The following NRXN1 variants were observed in gnomAD, a reference collection of about 807,000 sequenced individuals.
NRXN1 encodes neurexin-1.
In NRXN1, 39 loss-of-function variants were observed where a neutral mutation model predicts 150.9. The observed-to-expected ratio is 0.26, with a 90% CI of 0.20 to 0.34. NRXN1 has a LOEUF of 0.34. Among genes scored for constraint, NRXN1 ranks in the 10% least tolerant of loss-of-function variants. NRXN1 has a pLI of 1.00. For missense variants in NRXN1, 1,815 were observed against 1,949.9 expected (o/e 0.93, Z 1.30); for synonymous variants, 924 against 757.0 (o/e 1.22, Z -3.62).
chr2:50,058,298 C>T (rs945757689), intron 19 of NRXN1, among the ~76,000 whole-genome samples: 1 of 152,052 alleles, frequency 6.6e-6, no homozygotes, highest in African/African-American at 2.4e-5. Flanking sequence ...GCAGTAGACA[C>T]AAGTTATGAA....
intron 5 of NRXN1, among the ~76,000 whole-genome samples, chr2:50,783,824 G>T (rs1704691551): frequency 6.6e-6 from 1 of 152,036 alleles, no homozygotes; most frequent in Non-Finnish European, 1.5e-5. Context: ...CCTTGGCTTT[G>T]ACAGGAATTA....
intron 8 of NRXN1, among the ~76,000 whole-genome samples, chr2:50,617,508 T>G (rs958399102): frequency 2.0e-4 from 30 of 151,214 alleles, no homozygotes; most frequent in African/African-American, 7.3e-4. Context: ...CCTTCCAAAC[T>G]CCAGTGCATC....
chr2:50,882,853 T>C (rs937427348), intron 5 of NRXN1, among the ~76,000 whole-genome samples: 1 of 151,828 alleles, frequency 6.6e-6, no homozygotes, highest in Non-Finnish European at 1.5e-5. Flanking sequence ...GACTTATACA[T>C]ACAAAAGTGT....
chr2:50,854,202 A>C (rs1323186993), intron 5 of NRXN1, among the ~76,000 whole-genome samples: 1 of 152,054 alleles, frequency 6.6e-6, no homozygotes, highest in African/African-American at 2.4e-5. Flanking sequence ...GCCATGAAAA[A>C]CAGAATGGAT....
At chr2:50,511,675 A>G (rs768259301) in intron 12 of NRXN1, among the ~76,000 whole-genome samples, 23 of 152,206 alleles carry the variant, frequency 1.5e-4, no homozygotes, top group Non-Finnish European at 3.1e-4. Flanking sequence ...CTCTAAGATT[A>G]ACTCCTAAGA....
intron 19 of NRXN1, among the ~76,000 whole-genome samples, chr2:50,061,355 CT>C (rs767888034): frequency 2.6e-5 from 4 of 152,066 alleles, no homozygotes; most frequent in Non-Finnish European, 4.4e-5. Context: ...GGTTCAGGAT[CT>C]AATATCAAAT....
At position 50,347,207 on chromosome 2, in the gene NRXN1, G is replaced by A. The variant is rs1261704733; in HGVS notation, c.3365-110237C>T. 1.5e-6 allele frequency: 2 copies of A among 1,344,944 alleles called. No homozygotes were observed. The highest frequency in any genetic ancestry group is 4.8e-5 in the East Asian group (1 of 20,736). The allele number at this position is 1,344,944 out of a possible 1,614,324, so 83.3% of individuals were successfully genotyped here. A position where few individuals can be genotyped will look rare whatever the true frequency, so the allele number is the denominator to read the frequency against. ...GGGGCTTGTCCGGAAAGGCAGCCCC[G>A]GGAACAGCAAGCGCGGAGCGGGTGG... On this transcript the variant is annotated intron_variant, in intron 17 of 22. Transcript: ENST00000401669. This position sits in a 1 kb window ranked among gnomAD's most constrained non-coding sequence, Gnocchi z 4.9.
chr2:50,945,645 G>T (rs1283210628), intron 2 of NRXN1, among the ~76,000 whole-genome samples: 1 of 151,568 alleles, frequency 6.6e-6, no homozygotes, highest in East Asian at 1.9e-4. Context: ...CCCTGACCTA[G>T]ATTCTAATTA....
intron 22 of NRXN1, among the ~76,000 whole-genome samples, chr2:49,926,867 A>G (rs1669194625): frequency 6.6e-6 from 1 of 152,234 alleles, no homozygotes; most frequent in Admixed American, 6.5e-5. Context: ...ATTAGACTTC[A>G]GTACAGACCA....
chr2:50,857,681 T>C (rs1196504367), intron 5 of NRXN1, among the ~76,000 whole-genome samples: 1 of 152,112 alleles, frequency 6.6e-6, no homozygotes, highest in East Asian at 1.9e-4. Flanking sequence ...CAAGGTCTAT[T>C]TTCTCCAAGA....
Position 50,623,623 on chromosome 2 carries a change from A to T in NRXN1, c.833-8T>A, listed in dbSNP as rs200537932. On this transcript the variant is annotated splice_region_variant and splice_polypyrimidine_tract_variant and intron_variant, in intron 5 of 22. Transcript: ENST00000401669. ...CAATATATTCTTCTTTTCCTAGAGGAAAACAGATGATACATACATAAGTAA... is the reference window on the plus strand; with the variant it reads ...CAATATATTCTTCTTTTCCTAGAGGTAAACAGATGATACATACATAAGTAA... The T allele has an allele frequency of 3.1e-6, 5 of 1,597,302 alleles. No individual in the cohort carries two copies. Among genetic ancestry groups the T allele is most frequent in the East Asian group, 2.2e-5 (1 of 44,596 alleles).
At chr2:50,108,565 T>C (rs1038165303) in intron 18 of NRXN1, among the ~76,000 whole-genome samples, 15 of 152,028 alleles carry the variant, frequency 9.9e-5, no homozygotes, top group Admixed American at 3.9e-4. Context: ...TCTATTAACA[T>C]GCATCATTAG....
chr2:50,225,591 A>C (rs191254681), intron 18 of NRXN1, among the ~76,000 whole-genome samples: 1 of 152,070 alleles, frequency 6.6e-6, no homozygotes, highest in East Asian at 1.9e-4. Flanking sequence ...AAAATATATA[A>C]TCCAGGCCTC....
chr2:50,650,780 G>C (rs1685499446), intron 5 of NRXN1, among the ~76,000 whole-genome samples: 2 of 152,008 alleles, frequency 1.3e-5, no homozygotes, highest in Non-Finnish European at 2.9e-5. Context: ...CTCCCTCCCT[G>C]TGTTCTTAAC....
chr2:50,827,423 T>G (rs1468968055), intron 5 of NRXN1, among the ~76,000 whole-genome samples: 2 of 152,172 alleles, frequency 1.3e-5, no homozygotes, highest in Non-Finnish European at 2.9e-5. Flanking sequence ...AAATATGCCC[T>G]GACACTTAGT....
chr2:50,757,699 T>G (rs1041944081), intron 5 of NRXN1, among the ~76,000 whole-genome samples: 2 of 151,722 alleles, frequency 1.3e-5, no homozygotes, highest in African/African-American at 4.8e-5. Context: ...TAGAATGGTG[T>G]ACAAGCGTGA....
intron 21 of NRXN1, among the ~76,000 whole-genome samples, chr2:49,969,515 C>A (rs927967032): frequency 1.3e-5 from 2 of 151,326 alleles, no homozygotes; most frequent in African/African-American, 4.9e-5. Flanking sequence ...ATAATGGCAG[C>A]CTTAGTTTTA....
At chr2:50,624,006 T>G (rs1213683929) in intron 5 of NRXN1, among the ~76,000 whole-genome samples, 1 of 152,022 alleles carries the variant, frequency 6.6e-6, no homozygotes, top group East Asian at 1.9e-4. Flanking sequence ...CATTGTTCAA[T>G]TCCCACCTAT....
In NRXN1 at chr2:50,719,207, T is replaced by C. The variant is rs962376955; in HGVS notation, c.833-95592A>G. 1.8e-4 allele frequency among the ~76,000 whole-genome samples: 27 copies of C among 151,994 alleles called. No individual in the cohort carries two copies. In the East Asian group the frequency reaches 5.0e-3, roughly 28 times the overall value. ...AGTTGTCTTCATCCCTCAACTATTATTATTTTCTGTTCATTAAACCTCTTA... is the reference window on the plus strand; with the variant it reads ...AGTTGTCTTCATCCCTCAACTATTACTATTTTCTGTTCATTAAACCTCTTA... On this transcript the variant is annotated intron_variant, in intron 5 of 22. Coordinates refer to ENST00000401669, the MANE Select transcript of NRXN1 (RefSeq NM_001330078.2).
Sources: allele counts gnomAD v4.1 joint callset (sites outside exome capture counted in the v4.1 genomes callset), GRCh38; gene constraint gnomAD v4.1.1; non-coding constraint Gnocchi (gnomAD v3.1); transcripts MANE v1.5; gene names NCBI Gene and HGNC (gene_info 2026-07-23, HGNC 2026-07-21).